The following ZNF385D variants were observed in gnomAD, a reference collection of about 807,000 sequenced individuals.
ZNF385D encodes zinc finger protein 659.
Under a neutral mutation model 35.8 loss-of-function variants are expected in ZNF385D, and 15 were observed. That is an observed-to-expected ratio of 0.42 (90% CI 0.28 to 0.64). The LOEUF (loss-of-function observed/expected upper bound fraction) is 0.64. Ranked by LOEUF, ZNF385D falls within the 30% of genes least tolerant of loss-of-function variation. ZNF385D has a pLI of 0.23. For synonymous variants in ZNF385D, 212 were observed against 186.8 expected, an observed-to-expected ratio of 1.13 and a Z score of -1.10; for missense variants, 474 against 494.6, an observed-to-expected ratio of 0.96 and a Z score of 0.39.
chr3:21,977,328 CAA>C (rs59271781), intron 3 of ZNF385D, among the ~76,000 whole-genome samples: 42,512 of 151,370 alleles, frequency 0.28, 6,123 homozygotes, highest in East Asian at 0.33. Context: ...TTTCAATTAA[CAA>C]AAAAAAATTT....
At chr3:22,208,507 GA>G (rs918018615) in intron 2 of ZNF385D, among the ~76,000 whole-genome samples, 1 of 151,216 alleles carries the variant, frequency 6.6e-6, no homozygotes, top group African/African-American at 2.4e-5. Context: ...AAAATAGTTG[GA>G]AAAAAATGAA....
intron 2 of ZNF385D, among the ~76,000 whole-genome samples, chr3:22,357,533 A>C (rs1220942817): frequency 6.6e-6 from 1 of 151,882 alleles, no homozygotes; most frequent in East Asian, 1.9e-4. Flanking sequence ...TTACATTTCT[A>C]CTGTAGCATT....
At position 22,349,842 on chromosome 3, in the gene ZNF385D, C is replaced by T. The variant is rs1274508305; in HGVS notation, c.106+22608G>A. 4.6e-5 allele frequency among the ~76,000 whole-genome samples: 7 copies of T among 152,002 alleles called. No individual in the cohort carries two copies. The East Asian group carries it at 5.8e-4, about 13-fold the overall frequency. ...AACTTCGATAAATTTCTAGACATTG[C>T]CATTATTAATTTTCTGAATTCTTGT... On this transcript the variant is annotated intron_variant, in intron 2 of 5. Coordinates refer to the ZNF385D transcript ENST00000494108.
At chr3:21,903,141 G>A (rs1282343494) in intron 3 of ZNF385D, among the ~76,000 whole-genome samples, 2 of 152,144 alleles carry the variant, frequency 1.3e-5, no homozygotes, top group East Asian at 3.9e-4. Context: ...GAGACCAGAA[G>A]ATCAACTAAA....
chr3:22,370,270 G>C (rs1258374549), intron 2 of ZNF385D, among the ~76,000 whole-genome samples: 1 of 152,062 alleles, frequency 6.6e-6, no homozygotes, highest in East Asian at 1.9e-4. Context: ...CAAATATGAT[G>C]TTAGCACCAG....
intron 3 of ZNF385D, among the ~76,000 whole-genome samples, chr3:21,974,321 G>C (rs1283354559): frequency 6.6e-6 from 1 of 151,880 alleles, no homozygotes; most frequent in Non-Finnish European, 1.5e-5. Context: ...CACACAATGG[G>C]GAAAGGACAA....
intron 2 of ZNF385D, among the ~76,000 whole-genome samples, chr3:22,368,800 A>G (rs562073529): frequency 6.6e-6 from 1 of 152,218 alleles, no homozygotes; most frequent in Non-Finnish European, 1.5e-5. Flanking sequence ...AGGGCTCCAC[A>G]ATATCAGTTT....
chr3:21,544,869 TC>T (rs2062316904), intron 3 of ZNF385D, among the ~76,000 whole-genome samples: 1 of 152,142 alleles, frequency 6.6e-6, no homozygotes, highest in South Asian at 2.1e-4. Flanking sequence ...AAAATTGTCT[TC>T]CCTGGCACCT....
At chr3:21,945,163 CAT>C (rs146351553) in intron 3 of ZNF385D, among the ~76,000 whole-genome samples, 4 of 123,378 alleles carry the variant, frequency 3.2e-5, no homozygotes, top group Non-Finnish European at 5.0e-5. Flanking sequence ...TATACACACA[CAT>C]ATATATATAG....
chr3:22,274,573 C>A (rs116352253), intron 2 of ZNF385D, among the ~76,000 whole-genome samples: 1 of 151,838 alleles, frequency 6.6e-6, no homozygotes, highest in Non-Finnish European at 1.5e-5. Flanking sequence ...CCCAAGAGTC[C>A]ATTGCAATCA....
At position 22,356,292 on chromosome 3, in the gene ZNF385D, G is replaced by A. The variant is rs183597083; in HGVS notation, c.106+16158C>T. 1.3e-3 allele frequency among the ~76,000 whole-genome samples: 200 copies of A among 152,022 alleles called. 1 individual carries two copies. Among genetic ancestry groups the A allele is most frequent in the Non-Finnish European group, 2.1e-3 (143 of 67,918 alleles). The stretch of plus-strand genomic sequence containing the variant: ...CATGAAACAGCAAACCACACAGGAG[G>A]TATATTTCAATGGGTATGGTATGAA... On this transcript the variant is annotated intron_variant, in intron 2 of 5. Coordinates refer to the ZNF385D transcript ENST00000494108.
intron 2 of ZNF385D, among the ~76,000 whole-genome samples, chr3:21,599,114 A>T (rs540572240): frequency 9.8e-5 from 15 of 152,324 alleles, no homozygotes; most frequent in African/African-American, 3.4e-4. Flanking sequence ...GGTTACCAAA[A>T]TGCAAATGCC....
intron 2 of ZNF385D, among the ~76,000 whole-genome samples, chr3:22,180,914 C>CTTTTTTTTTTTTTTTTTT (rs61668943): frequency 5.0e-4 from 57 of 112,938 alleles, no homozygotes; most frequent in African/African-American, 1.1e-3. Flanking sequence ...TGCTTTTGTT[C>CTTTTTTTTTTTTTTTTTT]TTTTTTTTTT....
chr3:21,621,086 T>G (rs73137101), intron 2 of ZNF385D, among the ~76,000 whole-genome samples: 35 of 152,238 alleles, frequency 2.3e-4, no homozygotes, highest in African/African-American at 8.2e-4. Context: ...TGTAAAAATC[T>G]GTGCTACTTA....
chr3:22,114,986 C>T (rs887866475), intron 3 of ZNF385D, among the ~76,000 whole-genome samples: 1 of 152,048 alleles, frequency 6.6e-6, no homozygotes, highest in Non-Finnish European at 1.5e-5. Context: ...GACTTGGCAG[C>T]CTCCAGAACT....
intron 2 of ZNF385D, among the ~76,000 whole-genome samples, chr3:21,641,020 AT>A (rs2065589570): frequency 6.6e-6 from 1 of 152,058 alleles, no homozygotes; most frequent in Admixed American, 6.6e-5. Context: ...AAGTCACCAA[AT>A]CAGAACACAT....
At chr3:21,859,617 C>T (rs1189056143) in intron 3 of ZNF385D, among the ~76,000 whole-genome samples, 2 of 151,602 alleles carry the variant, frequency 1.3e-5, no homozygotes, top group Non-Finnish European at 2.9e-5. Context: ...GACCTCTCCT[C>T]CCTGTGAAGA....
At chr3:22,082,094 C>A (rs145835023) in intron 3 of ZNF385D, among the ~76,000 whole-genome samples, 11 of 149,632 alleles carry the variant, frequency 7.4e-5, no homozygotes, top group East Asian at 2.0e-4. Context: ...TCCAAACTGT[C>A]TGAATACGAA....
chr3:22,115,882 T>C (rs1702785397), intron 3 of ZNF385D, among the ~76,000 whole-genome samples: 1 of 152,096 alleles, frequency 6.6e-6, no homozygotes. Context: ...ATCTTTGCAA[T>C]TTTTGATCTT....
Sources: allele counts gnomAD v4.1 joint callset (sites outside exome capture counted in the v4.1 genomes callset), GRCh38; gene constraint gnomAD v4.1.1; transcripts MANE v1.5; gene names NCBI Gene and HGNC (gene_info 2026-07-23, HGNC 2026-07-21).